The following ZFAT variants were observed in gnomAD, a reference collection of about 807,000 sequenced individuals.
ZFAT encodes zinc finger protein ZFAT.
In ZFAT, 64 loss-of-function variants were observed where a neutral mutation model predicts 117.7. The observed-to-expected ratio is 0.54, with a 90% CI of 0.44 to 0.67. The LOEUF (loss-of-function observed/expected upper bound fraction) is 0.67. Among genes scored for constraint, ZFAT ranks in the 30% least tolerant of loss-of-function variants. The pLI, the probability that ZFAT is intolerant of heterozygous loss-of-function variation, is 0.00. For missense variants in ZFAT, 1,433 were observed against 1,584.5 expected, an observed-to-expected ratio of 0.90 and a Z score of 1.62; for synonymous variants, 679 against 615.0, an observed-to-expected ratio of 1.10 and a Z score of -1.54.
chr8:134,775,311 T>C, the ZFAT span, among the ~76,000 whole-genome samples: 1 of 152,238 alleles, frequency 6.6e-6, no homozygotes, highest in Non-Finnish European at 1.5e-5. Context: ...AATTTATTTG[T>C]AGAAATAATT....
chr8:134,643,704 CA>C (rs1018123165), intron 2 of ZFAT, among the ~76,000 whole-genome samples: 1 of 152,206 alleles, frequency 6.6e-6, no homozygotes, highest in Non-Finnish European at 1.5e-5. Context: ...TGTGCTCCGG[CA>C]CTGGCTGCAT....
At chr8:134,682,225 C>G (rs1009483514) in intron 1 of ZFAT, among the ~76,000 whole-genome samples, 1 of 152,194 alleles carries the variant, frequency 6.6e-6, no homozygotes, top group African/African-American at 2.4e-5. Context: ...TTCCTCAAAT[C>G]TAAGACAGCA....
intron 1 of ZFAT, among the ~76,000 whole-genome samples, chr8:134,669,670 G>A (rs542158419): frequency 1.2e-4 from 19 of 152,264 alleles, no homozygotes; most frequent in Admixed American, 2.6e-4. Context: ...AAAGACCATC[G>A]CTGCTAGGAA....
the ZFAT span, among the ~76,000 whole-genome samples, chr8:134,744,931 A>G: frequency 1.3e-4 from 19 of 151,390 alleles, no homozygotes; most frequent in South Asian, 2.1e-4. Context: ...GGGTTTCACC[A>G]TGTTAGCCAG....
At chr8:134,558,388 A>G (rs895032017) in intron 11 of ZFAT, among the ~76,000 whole-genome samples, 3 of 152,172 alleles carry the variant, frequency 2.0e-5, no homozygotes, top group Non-Finnish European at 2.9e-5. Context: ...AAATAATTAT[A>G]TCAGTGTTCA....
intron 3 of ZFAT, among the ~76,000 whole-genome samples, chr8:134,623,504 A>G (rs1252931522): frequency 5.3e-5 from 8 of 152,108 alleles, no homozygotes; most frequent in African/African-American, 1.7e-4. Flanking sequence ...CCAAATCTGC[A>G]TCTCCTCTGG....
chr8:134,740,594 G>T, the ZFAT span, among the ~76,000 whole-genome samples: 7 of 152,024 alleles, frequency 4.6e-5, no homozygotes, highest in African/African-American at 1.7e-4. Flanking sequence ...AAAATAAGTG[G>T]TGCTTTGTCC....
the ZFAT span, among the ~76,000 whole-genome samples, chr8:134,790,275 C>A: frequency 0.21 from 31,687 of 152,050 alleles, 3,581 homozygotes; most frequent in African/African-American, 0.26. Context: ...CTTGTCCAGC[C>A]ATGAACACAC....
At chr8:134,483,750 G>A (rs376631459) in intron 15 of ZFAT, among the ~76,000 whole-genome samples, 8 of 152,160 alleles carry the variant, frequency 5.3e-5, no homozygotes, top group African/African-American at 1.7e-4. Context: ...CTGCTGTTCC[G>A]CTGTCTCCAG....
At chr8:134,617,627 A>G (rs1828837315) in intron 3 of ZFAT, among the ~76,000 whole-genome samples, 1 of 152,152 alleles carries the variant, frequency 6.6e-6, no homozygotes, top group South Asian at 2.1e-4. Flanking sequence ...TCACGCGACC[A>G]TCTCAAAGGA....
chr8:134,582,481 G>A (rs1255506226), intron 10 of ZFAT, among the ~76,000 whole-genome samples: 1 of 152,124 alleles, frequency 6.6e-6, no homozygotes, highest in Non-Finnish European at 1.5e-5. Context: ...CAGCTGAGCG[G>A]TCAGTAAGGC....
chr8:134,577,794 TGAAA>T (rs1825416916), intron 10 of ZFAT, among the ~76,000 whole-genome samples: 1 of 152,000 alleles, frequency 6.6e-6, no homozygotes, highest in South Asian at 2.1e-4. Flanking sequence ...GTAAAAAACA[TGAAA>T]GAGAGTATGA....
chr8:134,763,491 A>G, the ZFAT span, among the ~76,000 whole-genome samples: 1 of 152,168 alleles, frequency 6.6e-6, no homozygotes, highest in African/African-American at 2.4e-5. Flanking sequence ...CTCCCTAACT[A>G]AAAATTCAGC....
At chr8:134,522,585 A>T (rs1820744204) in intron 12 of ZFAT, among the ~76,000 whole-genome samples, 1 of 152,014 alleles carries the variant, frequency 6.6e-6, no homozygotes, top group Non-Finnish European at 1.5e-5. Context: ...CAGAGCCCAA[A>T]ACTTACAACT....
rs199828078 is a variant in ZFAT, at chr8:134,708,956, ATTAAT to A, written c.19+3884_19+3888del. On this transcript the variant is annotated intron_variant, in intron 1 of 15. Coordinates refer to ENST00000377838, the MANE Select transcript of ZFAT (RefSeq NM_020863.4). ...AAAGAGCAAAACTCCGTGCCAATAA[ATTAAT>A]TTAATTTAATTTTTAAAAATGACTT... Among the ~76,000 whole-genome samples, 737 of 151,904 alleles carry A rather than the reference ATTAAT, an allele frequency of 4.9e-3. 7 individuals are homozygous for A. The highest frequency in any genetic ancestry group is 0.016 in the African/African-American group (680 of 41,512).
At chr8:134,548,304 T>C (rs1389492999) in intron 11 of ZFAT, among the ~76,000 whole-genome samples, 1 of 152,170 alleles carries the variant, frequency 6.6e-6, no homozygotes, top group Non-Finnish European at 1.5e-5. Context: ...AATAAGGCAT[T>C]TGAGCCAAGA....
chr8:134,736,950 G>A, the ZFAT span, among the ~76,000 whole-genome samples: 1 of 152,060 alleles, frequency 6.6e-6, no homozygotes, highest in African/African-American at 2.4e-5. Flanking sequence ...TTAAAGAAAA[G>A]GTTCTGCTGT....
the ZFAT span, among the ~76,000 whole-genome samples, chr8:134,735,941 A>G: frequency 2.0e-5 from 3 of 152,182 alleles, no homozygotes; most frequent in African/African-American, 7.2e-5. Context: ...TAAATCCATC[A>G]TGGATATATA....
intron 1 of ZFAT, 106 bp downstream of exon 1, chr8:134,712,739 G>GGCGGCCA: frequency 8.8e-7 from 1 of 1,135,924 alleles, no homozygotes; most frequent in Non-Finnish European, 1.2e-6. Context: ...GCCGGCGGCC[G>GGCGGCCA]GCGGCCGGCG....
Sources: allele counts gnomAD v4.1 joint callset (sites outside exome capture counted in the v4.1 genomes callset), GRCh38; gene constraint gnomAD v4.1.1; transcripts MANE v1.5; gene names NCBI Gene and HGNC (gene_info 2026-07-23, HGNC 2026-07-21).